The following PCDH15 variants were observed in gnomAD, a reference collection of about 807,000 sequenced individuals.
PCDH15 encodes the protein protocadherin-15.
A neutral mutation model predicts 178.5 loss-of-function variants in PCDH15; 129 were observed. The observed-to-expected ratio is 0.72, with a 90% confidence interval of 0.63 to 0.84. The LOEUF (loss-of-function observed/expected upper bound fraction) is 0.84. Among genes scored for constraint, PCDH15 ranks in the 40% least tolerant of loss-of-function variants. PCDH15 has a pLI of 0.00. For missense variants in PCDH15, 2,230 were observed against 2,099.9 expected, an observed-to-expected ratio of 1.06 and a Z score of -1.21; for synonymous variants, 800 against 732.0, an observed-to-expected ratio of 1.09 and a Z score of -1.50.
intron 3 of PCDH15, among the ~76,000 whole-genome samples, chr10:54,522,802 ATTGT>A (rs1447903677): frequency 3.9e-5 from 6 of 152,330 alleles, no homozygotes; most frequent in Non-Finnish European, 7.3e-5. Context: ...TGTGTTCAAG[ATTGT>A]TTGTAACAGG....
At chr10:54,997,593 A>G (rs1156711883) in intron 2 of PCDH15, among the ~76,000 whole-genome samples, 1 of 152,228 alleles carries the variant, frequency 6.6e-6, no homozygotes, top group African/African-American at 2.4e-5. Context: ...ATCTTTGTGC[A>G]AATTTATTTG....
At position 55,332,785 on chromosome 10, in the gene PCDH15, G is replaced by C. The variant is rs137997473; in HGVS notation, c.-155-166134C>G. ...TTTAGCTTGGCTTTCATTCTCTTTT[G>C]CCTGCCACCATGTAAGACACGCCTT... is the stretch of plus-strand genomic sequence containing the variant. On this transcript the variant is annotated intron_variant, in intron 2 of 5. Transcript: ENST00000613346. Among the ~76,000 whole-genome samples, 237 of 152,112 alleles carry C rather than the reference G, an allele frequency of 1.6e-3. 4 individuals are homozygous for C. Among genetic ancestry groups the C allele is most frequent in the African/African-American group, 5.4e-3 (224 of 41,496 alleles).
chr10:53,959,901 A>C, intron 22 of PCDH15, 57 bp from the exon 23 acceptor site: 1 of 1,293,306 alleles, frequency 7.7e-7, no homozygotes. Context: ...GCGTAACAGC[A>C]CAATTTTTAT....
chr10:53,893,050 G>C (rs1236043454), intron 26 of PCDH15, among the ~76,000 whole-genome samples: 8 of 152,002 alleles, frequency 5.3e-5, no homozygotes, highest in Admixed American at 5.2e-4. Context: ...AATTTGTATT[G>C]CATTCATCTT....
chr10:54,908,411 C>A (rs1954762128), intron 2 of PCDH15, among the ~76,000 whole-genome samples: 1 of 152,076 alleles, frequency 6.6e-6, no homozygotes, highest in Non-Finnish European at 1.5e-5. Context: ...TTGGAGACAC[C>A]AGGAACTGCA....
Position 53,823,547 on chromosome 10 carries a change from A to G in PCDH15, c.4368-3317T>C, listed in dbSNP as rs939602279. 13 of 717,194 alleles carry G rather than the reference A, an allele frequency of 1.8e-5. No homozygotes were observed. The East Asian group carries it at 3.1e-4, about 17-fold the overall frequency. 44.4% of individuals were successfully genotyped at this position (717,194 alleles called of 1,614,324 possible). On this transcript the variant is annotated intron_variant, in intron 32 of 37. Transcript: ENST00000644397. Reference sequence around the variant, plus strand: ...TAGAAAGGCAGGGCAGAAAAATCTTAGAGTTGTGAGAAGAATGAGAAATGT... The same window carrying G: ...TAGAAAGGCAGGGCAGAAAAATCTTGGAGTTGTGAGAAGAATGAGAAATGT...
At chr10:55,256,396 A>C (rs2132229768) in intron 1 of PCDH15, among the ~76,000 whole-genome samples, 1 of 152,238 alleles carries the variant, frequency 6.6e-6, no homozygotes, top group Admixed American at 6.5e-5. Flanking sequence ...TGGGTGCAGC[A>C]CACCGAGCAT....
chr10:53,838,776 A>T (rs2077459442), intron 29 of PCDH15, among the ~76,000 whole-genome samples: 1 of 152,198 alleles, frequency 6.6e-6, no homozygotes, highest in Non-Finnish European at 1.5e-5. Flanking sequence ...CTTACAAAAA[A>T]TTGGCTTGGT....
At chr10:54,620,719 T>C (rs1406884377) in intron 2 of PCDH15, among the ~76,000 whole-genome samples, 1 of 152,072 alleles carries the variant, frequency 6.6e-6, no homozygotes, top group Admixed American at 6.6e-5. Flanking sequence ...AACTCTATTA[T>C]TTATATGTTT....
At chr10:55,160,825 C>A (rs943982281) in intron 2 of PCDH15, among the ~76,000 whole-genome samples, 2 of 152,092 alleles carry the variant, frequency 1.3e-5, no homozygotes, top group African/African-American at 4.8e-5. Flanking sequence ...TGCCTGTTGA[C>A]GTCTAGGAAT....
chr10:55,103,950 T>G (rs1842624350), intron 2 of PCDH15, among the ~76,000 whole-genome samples: 1 of 152,086 alleles, frequency 6.6e-6, no homozygotes, highest in African/African-American at 2.4e-5. Flanking sequence ...TTATTTAGGT[T>G]TTCTTGTTTT....
chr10:54,040,501 CCT>C (rs747732069), intron 18 of PCDH15, among the ~76,000 whole-genome samples: 2 of 151,956 alleles, frequency 1.3e-5, no homozygotes, highest in South Asian at 4.1e-4. Flanking sequence ...TATAAATTAC[CCT>C]GTCTCAGGTA....
At chr10:53,926,468 A>G (rs932606298) in intron 25 of PCDH15, among the ~76,000 whole-genome samples, 2 of 152,250 alleles carry the variant, frequency 1.3e-5, no homozygotes. Flanking sequence ...TCAGGTAATT[A>G]TCACCAGGTA....
At chr10:54,201,661 T>A (rs1026977252) in intron 10 of PCDH15, among the ~76,000 whole-genome samples, 5 of 152,192 alleles carry the variant, frequency 3.3e-5, no homozygotes, top group Admixed American at 3.3e-4. Flanking sequence ...ATCTTTAATT[T>A]TAATAGGCTT....
chr10:54,346,478 G>T lies in PCDH15; in HGVS notation c.481C>A (p.Pro161Thr), dbSNP rs781154416. The change falls in exon 6 of 38, where the codon CCA becomes ACA. Residue 161 changes from proline (P) to threonine (T), a missense_variant. By Grantham distance (38) the Pro-to-Thr change is conservative (BLOSUM62 -1). Coordinates refer to ENST00000644397, the MANE Select transcript of PCDH15 (RefSeq NM_001384140.1). ...CCTGTGAATATTGTGGTACCAACTG[G>T]AGTGAGCTGAAAGGAAAAAAGATTT... The part of the protein sequence containing the change: ...SYYATVNELT[P>T]VGTTIFTGFS... 1 of 1,613,692 alleles carries T rather than the reference G, an allele frequency of 6.2e-7. No homozygotes were observed. The highest frequency in any genetic ancestry group is 8.5e-7 in the Non-Finnish European group (1 of 1,179,900).
chr10:53,812,803 G>A (rs980877287), intron 35 of PCDH15, among the ~76,000 whole-genome samples: 2 of 152,052 alleles, frequency 1.3e-5, no homozygotes, highest in Non-Finnish European at 2.9e-5. Flanking sequence ...AAAAGGATAG[G>A]TACTCACATG....
intron 25 of PCDH15, among the ~76,000 whole-genome samples, chr10:53,929,916 A>C (rs1233185093): frequency 6.6e-6 from 1 of 152,180 alleles, no homozygotes; most frequent in Non-Finnish European, 1.5e-5. Flanking sequence ...GGAGTTACAT[A>C]AATCAATCTG....
intron 3 of PCDH15, among the ~76,000 whole-genome samples, chr10:54,509,957 C>T (rs988205371): frequency 3.9e-5 from 6 of 152,106 alleles, no homozygotes; most frequent in African/African-American, 9.7e-5. Context: ...CATGCTGTTG[C>T]GATGTTCTGG....
chr10:55,251,896 T>C (rs1841847423), intron 1 of PCDH15, among the ~76,000 whole-genome samples: 1 of 152,040 alleles, frequency 6.6e-6, no homozygotes, highest in South Asian at 2.1e-4. Flanking sequence ...CTAGGGCAAA[T>C]GTAGGGTGTA....
Sources: allele counts gnomAD v4.1 joint callset (sites outside exome capture counted in the v4.1 genomes callset), GRCh38; gene constraint gnomAD v4.1.1; transcripts MANE v1.5; gene names NCBI Gene and HGNC (gene_info 2026-07-23, HGNC 2026-07-21).